The following C8B variants were observed in gnomAD, a reference collection of about 807,000 sequenced individuals.
C8B encodes complement component C8 beta chain.
Under a neutral mutation model 64.6 loss-of-function variants are expected in C8B, and 67 were observed. The observed-to-expected ratio is 1.04, with a 90% CI of 0.85 to 1.27. The LOEUF is 1.27. Ranked by LOEUF, C8B falls within the 50% of genes most tolerant of loss-of-function variation. C8B has a pLI of 0.00. For missense variants in C8B, 790 were observed against 725.2 expected, an observed-to-expected ratio of 1.09 and a Z score of -1.03; for synonymous variants, 284 against 257.7, an observed-to-expected ratio of 1.10 and a Z score of -0.98.
Position 56,945,884 on chromosome 1 carries a change from C to A in C8B, c.1042G>T (p.Ala348Ser). Residue 348 changes from alanine (A) to serine (S), a missense_variant, in exon 7 of 12, where the codon GCT becomes TCT. Ala to Ser is a moderately conservative substitution (Grantham distance 99). Transcript: ENST00000371237. ...RDFGTHYITE[A>S]VLGGIYEYTL... ...TATTCATAAATGCCCCCAAGCACAG[C>A]CTCTGTGATGTAGTGGGTCCCAAAA... is the stretch of plus-strand genomic sequence containing the variant. 2 of 1,614,142 alleles carry A rather than the reference C, an allele frequency of 1.2e-6. No individual in the cohort carries two copies. The highest frequency in any genetic ancestry group is 1.7e-6 in the Non-Finnish European group (2 of 1,180,012).
rs1041871030 is a variant in C8B at position 56,931,661 on chromosome 1, G to A, written c.1621+149C>T. 1.4e-5 allele frequency: 9 copies of A among 657,726 alleles called. No individual in the cohort carries two copies. The South Asian group carries it at 1.4e-4, about 10-fold the overall frequency. The allele number at this position is 657,726 out of a possible 1,614,324, so 40.7% of individuals were successfully genotyped here. ...ATCAATCCATCAGTTATTAAATGAT[G>A]GAGATGGAATTTCAATCCAAGCTGA... is the stretch of plus-strand genomic sequence containing the variant. On this transcript the variant is annotated intron_variant, in intron 11 of 11. Coordinates refer to ENST00000371237, the MANE Select transcript of C8B (RefSeq NM_000066.4).
chr1:56,943,682 C>G lies in C8B; in HGVS notation c.1234+14G>C, dbSNP rs771069211. On this transcript the variant is annotated intron_variant, in intron 8 of 11. Transcript: ENST00000371237. ...ACATTATAAGTGTGGAAGTCACAAGCCCCTGTCACTCACCTTTTATTTCAT... is the reference window on the plus strand; with the variant it reads ...ACATTATAAGTGTGGAAGTCACAAGGCCCTGTCACTCACCTTTTATTTCAT... 6.2e-7 allele frequency: 1 copy of G among 1,613,766 alleles called. No individual in the cohort carries two copies. Among genetic ancestry groups the G allele is most frequent in the East Asian group, 2.2e-5 (1 of 44,874 alleles).
At position 56,938,226 on chromosome 1, in the gene C8B, A is replaced by G. The variant is rs149965092; in HGVS notation, c.1398+2623T>C. Among the ~76,000 whole-genome samples the G allele has an allele frequency of 3.1e-4, 47 of 152,194 alleles. No homozygotes were observed. In the East Asian group the frequency reaches 9.1e-3, roughly 29 times the overall value. ...CGTATTTCTTTTCTGCCATTGTTTT[A>G]ATCTCCCTGTCTCTTGCGTCTGCAT... is the stretch of plus-strand genomic sequence containing the variant. On this transcript the variant is annotated intron_variant, in intron 9 of 11. Transcript: ENST00000371237.
intron 4 of C8B, among the ~76,000 whole-genome samples, chr1:56,953,384 G>A (rs534595345): frequency 2.0e-4 from 31 of 152,190 alleles, no homozygotes; most frequent in African/African-American, 7.5e-4. Context: ...CTTTGTGGAG[G>A]CATCATCCTA....
intron 1 of C8B, 139 bp downstream of exon 1, chr1:56,965,718 A>G (rs1645245932): frequency 4.8e-6 from 4 of 839,960 alleles, no homozygotes; most frequent in Non-Finnish European, 2.0e-6. Flanking sequence ...TGTTGATAGT[A>G]TGTTATCAGA....
At chr1:56,942,641 T>C (rs989948090) in intron 8 of C8B, among the ~76,000 whole-genome samples, 1 of 151,190 alleles carries the variant, frequency 6.6e-6, no homozygotes, top group South Asian at 2.1e-4. Flanking sequence ...GAGGCGGAGG[T>C]TGCAGTGAGC....
chr1:56,951,213 G>A (rs1028909996), intron 5 of C8B, among the ~76,000 whole-genome samples: 1 of 152,114 alleles, frequency 6.6e-6, no homozygotes, highest in Admixed American at 6.6e-5. Flanking sequence ...AAGTGGTTGG[G>A]ACTATAGACA....
chr1:56,965,916 C>T lies in C8B; in HGVS notation c.33G>A (p.Ala11=), dbSNP rs766065295. 205 of 1,614,012 alleles carry T rather than the reference C, an allele frequency of 1.3e-4. 1 individual carries two copies. The Middle Eastern group carries it at 4.5e-3, about 35-fold the overall frequency. MKNSRTWAWR[A]PVELFLLCAA... ...CACAGAGAAGAAATAGCTCCACCGG[C>T]GCCCTCCAAGCCCATGTCCTGGAAT... is the stretch of plus-strand genomic sequence containing the variant. Residue 11 remains alanine (A), a synonymous_variant, in exon 1 of 12, where the codon GCG becomes GCA. Transcript: ENST00000371237.
At chr1:56,951,556 C>G (rs562180447) in intron 5 of C8B, among the ~76,000 whole-genome samples, 12 of 152,270 alleles carry the variant, frequency 7.9e-5, no homozygotes, top group African/African-American at 2.9e-4. Context: ...TTTTAATAGG[C>G]AGGGATTTGA....
chr1:56,952,045 T>C lies in C8B; in HGVS notation c.666+3A>G, dbSNP rs772031141. 1.9e-6 allele frequency: 3 copies of C among 1,613,888 alleles called. No individual in the cohort carries two copies. The highest frequency in any genetic ancestry group is 2.5e-6 in the Non-Finnish European group (3 of 1,179,988). On this transcript the variant is annotated splice_donor_region_variant and intron_variant, in intron 5 of 11. Transcript: ENST00000371237. ...CCTCCACTGCTACCTGGCTGTCTCTTACCTGTGGCGTGTAGCTTTCCACAT... is the reference window on the plus strand; with the variant it reads ...CCTCCACTGCTACCTGGCTGTCTCTCACCTGTGGCGTGTAGCTTTCCACAT...
chr1:56,961,345 C>A (rs1645177663), intron 1 of C8B, among the ~76,000 whole-genome samples: 1 of 152,188 alleles, frequency 6.6e-6, no homozygotes, highest in Non-Finnish European at 1.5e-5. Context: ...TGCTCAATGG[C>A]CCAGCATCAC....
rs76141461 is a variant in C8B, at chr1:56,953,103, T to C, written c.534-923A>G. The stretch of plus-strand genomic sequence containing the variant: ...TGTCCCTGCAGCTCTGTGCAATAGA[T>C]GTTATCTCCATTTTAGAGAGGAAAA... On this transcript the variant is annotated intron_variant, in intron 4 of 11. Coordinates refer to ENST00000371237, the MANE Select transcript of C8B (RefSeq NM_000066.4). 7.3e-3 allele frequency among the ~76,000 whole-genome samples: 1,118 copies of C among 152,284 alleles called. 3 individuals are homozygous for C. Among genetic ancestry groups the C allele is most frequent in the Admixed American group, 0.013 (199 of 15,302 alleles).
In C8B at chr1:56,960,049, T is replaced by C; in HGVS notation, c.220A>G (p.Thr74Ala). The change falls in exon 2 of 12, where the codon ACC becomes GCC. Residue 74 changes from threonine (T) to alanine (A), a missense_variant. Coordinates refer to ENST00000371237, the MANE Select transcript of C8B (RefSeq NM_000066.4). ...DCELSSWSSW[T>A]TCDPCQKKRY... ...TTCTTCTGACAGGGGTCACATGTGG[T>C]CCAAGAGGACCAACTAGACAGCTCA... The C allele has an allele frequency of 6.2e-7, 1 of 1,614,090 alleles. No individual in the cohort carries two copies. The highest frequency in any genetic ancestry group is 1.1e-5 in the South Asian group (1 of 91,080).
rs200245622 is a variant in C8B, at chr1:56,933,395, T to C, written c.1492A>G (p.Lys498Glu). 1.2e-4 allele frequency: 190 copies of C among 1,613,786 alleles called. No homozygotes were observed. The highest frequency in any genetic ancestry group is 1.2e-3 in the Middle Eastern group (7 of 6,062). ...GCACAGTGGCAGGAACTAACTTCCT[T>C]CTGGAACTCCTCCAGTGCCTGCTTC... ...NMKQALEEFQ[K>E]EVSSCHCAPC... is the part of the protein sequence containing the mutation. Residue 498 changes from lysine to glutamate, a missense_variant, in exon 10 of 12, where the codon AAG becomes GAG. By Grantham distance (56) the Lys-to-Glu change is moderately conservative (BLOSUM62 1). Coordinates refer to ENST00000371237, the MANE Select transcript of C8B (RefSeq NM_000066.4).
intron 9 of C8B, among the ~76,000 whole-genome samples, chr1:56,940,613 G>A (rs140707451): frequency 6.6e-6 from 1 of 152,176 alleles, no homozygotes; most frequent in East Asian, 1.9e-4. Flanking sequence ...GAAGCTGATT[G>A]TTAGTTTCCT....
chr1:56,937,674 ATT>A (rs372649227), intron 9 of C8B, among the ~76,000 whole-genome samples: 2,674 of 152,160 alleles, frequency 0.018, 96 homozygotes, highest in African/African-American at 0.062. Flanking sequence ...AAAACAAATA[ATT>A]TTTTTTAGTT....
At chr1:56,954,902 C>T in intron 3 of C8B, 75 bp from the exon 4 acceptor site, 2 of 1,570,788 alleles carry the variant, frequency 1.3e-6, no homozygotes, top group East Asian at 4.5e-5. Context: ...AAGCACCTAC[C>T]AAGTGCCAGA....
rs202043901 is a variant in C8B, at chr1:56,943,691, C to G, written c.1234+5G>C. ...GTGTGGAAGTCACAAGCCCCTGTCA[C>G]TCACCTTTTATTTCATTCAGAATAC... On this transcript the variant is annotated splice_donor_5th_base_variant and intron_variant, in intron 8 of 11. Coordinates refer to ENST00000371237, the MANE Select transcript of C8B (RefSeq NM_000066.4). 177 of 1,614,030 alleles carry G rather than the reference C, an allele frequency of 1.1e-4. No homozygotes were observed. The highest frequency in any genetic ancestry group is 1.5e-4 in the Admixed American group (9 of 60,012).
intron 2 of C8B, 146 bp downstream of exon 2, chr1:56,959,874 A>G: frequency 1.1e-6 from 1 of 918,946 alleles, no homozygotes; most frequent in Non-Finnish European, 1.7e-6. Context: ...GCTTGGAAGC[A>G]CAGAAGGAAA....
Sources: allele counts gnomAD v4.1 joint callset (sites outside exome capture counted in the v4.1 genomes callset), GRCh38; gene constraint gnomAD v4.1.1; transcripts MANE v1.5; gene names NCBI Gene and HGNC (gene_info 2026-07-23, HGNC 2026-07-21).